GSDME: variants seen among roughly 807,000 people sequenced by gnomAD.
GSDME encodes gasdermin E, also known as gasdermin-E.
In GSDME, 44 loss-of-function variants were observed where a neutral mutation model predicts 47.5. That is an observed-to-expected ratio of 0.93 (90% CI 0.73 to 1.19). The LOEUF (loss-of-function observed/expected upper bound fraction) is 1.19. Ranked by LOEUF, GSDME falls within the 50% of genes most tolerant of loss-of-function variation. GSDME has a pLI of 0.00. For synonymous variants in GSDME, 258 were observed against 252.8 expected (o/e 1.02, Z -0.20); for missense variants, 663 against 604.2 (o/e 1.10, Z -1.02).
chr7:24,743,725 G>A (rs1333928803), intron 3 of GSDME, among the ~76,000 whole-genome samples: 1 of 152,064 alleles, frequency 6.6e-6, no homozygotes, highest in Non-Finnish European at 1.5e-5. Context: ...GTCCTGCCCA[G>A]ATGCCCCTGT....
chr7:24,791,906 A>C, the GSDME span, among the ~76,000 whole-genome samples: 1 of 152,154 alleles, frequency 6.6e-6, no homozygotes, highest in Non-Finnish European at 1.5e-5. The surrounding 1 kb of genome is among the most constrained non-coding windows in gnomAD (Gnocchi z 4.8). Context: ...TAGTGTTGGG[A>C]GAAGGAAGCT....
rs1209697457 is a variant in GSDME at position 24,728,403 on chromosome 7, G to T, written c.405-9185C>A. Among the ~76,000 whole-genome samples, 1 of 152,152 alleles carries T rather than the reference G, an allele frequency of 6.6e-6. No individual in the cohort carries two copies. The highest frequency in any genetic ancestry group is 1.5e-5 in the Non-Finnish European group (1 of 68,032). ...TTTCTTATGTGAGATAATAACAAATGTTCTTTGCAACCAGACACCCTAACT... is the reference window on the plus strand; with the variant it reads ...TTTCTTATGTGAGATAATAACAAATTTTCTTTGCAACCAGACACCCTAACT... On this transcript the variant is annotated intron_variant, in intron 3 of 9. Coordinates refer to ENST00000645220, the MANE Select transcript of GSDME (RefSeq NM_001127453.2). This position sits in a 1 kb window ranked among gnomAD's most constrained non-coding sequence, Gnocchi z 7.2.
the GSDME span, among the ~76,000 whole-genome samples, chr7:24,795,252 T>A: frequency 1.3e-5 from 2 of 151,764 alleles, no homozygotes; most frequent in East Asian, 3.9e-4. Flanking sequence ...CCGGCAGGAG[T>A]CCCCCGCAGG....
chr7:24,701,682 C>T (rs549362380), intron 9 of GSDME, among the ~76,000 whole-genome samples: 11 of 152,198 alleles, frequency 7.2e-5, no homozygotes, highest in Admixed American at 4.6e-4. Flanking sequence ...GTTTCCATAA[C>T]CAGACTGTGC....
rs924958280 is a variant in GSDME at position 24,705,475 on chromosome 7, T to C, written c.1183+709A>G. 1 of 157,356 alleles carries C rather than the reference T, an allele frequency of 6.4e-6. No individual in the cohort carries two copies. 9.7% of individuals were successfully genotyped at this position (157,356 alleles called of 1,614,324 possible). On this transcript the variant is annotated intron_variant, in intron 8 of 9. Coordinates refer to ENST00000645220, the MANE Select transcript of GSDME (RefSeq NM_001127453.2). The surrounding 1 kb of genome is among the most constrained non-coding windows in gnomAD (Gnocchi z 4.1). ...CTATGTGTCCTGACTAGTGTCACCA[T>C]GAAGGGAAGCTGTGGGGACTGGTTT...
At chr7:24,780,671 C>T in the GSDME span, among the ~76,000 whole-genome samples, 39 of 152,308 alleles carry the variant, frequency 2.6e-4, no homozygotes, top group African/African-American at 9.4e-4. This position sits in a 1 kb window ranked among gnomAD's most constrained non-coding sequence, Gnocchi z 4.1. Context: ...AGTTTCTATG[C>T]GTTGTAAATA....
At chr7:24,774,450 G>A in the GSDME span, among the ~76,000 whole-genome samples, 5 of 151,128 alleles carry the variant, frequency 3.3e-5, no homozygotes, top group South Asian at 4.2e-4. Flanking sequence ...TTTGTGCCAC[G>A]TCTGGCTTTA....
At chr7:24,753,345 T>G (rs957369339) in intron 1 of GSDME, among the ~76,000 whole-genome samples, 3 of 152,242 alleles carry the variant, frequency 2.0e-5, no homozygotes, top group Non-Finnish European at 4.4e-5. Context: ...TGAACACTGC[T>G]CAGCATCTTG....
At position 24,719,202 on chromosome 7, in the gene GSDME, T is replaced by G. The variant is rs369866737; in HGVS notation, c.421A>C (p.Asn141His). The part of the protein sequence containing the change: ...DSAERTINLR[N>H]PVLQQVLEGR... ...TCCAGCACCTGCTGGAGCACAGGGT[T>G]TCTCAGATTTATTGTTCTGAAAAAG... is the stretch of plus-strand genomic sequence containing the variant. The change falls in exon 4 of 10, where the codon AAC becomes CAC. Residue 141 changes from asparagine (N) to histidine (H), a missense_variant. Transcript: ENST00000645220. 1 of 1,612,082 alleles carries G rather than the reference T, an allele frequency of 6.2e-7. No homozygotes were observed. Among genetic ancestry groups the G allele is most frequent in the Non-Finnish European group, 8.5e-7 (1 of 1,180,014 alleles).
rs908559478 is a variant in GSDME, at chr7:24,705,981, G to A, written c.1183+203C>T. 11 of 674,072 alleles carry A rather than the reference G, an allele frequency of 1.6e-5. No individual in the cohort carries two copies. In the African/African-American group the frequency reaches 1.8e-4, roughly 11 times the overall value. The allele number at this position is 674,072 out of a possible 1,614,324, so 41.8% of individuals were successfully genotyped here. On this transcript the variant is annotated intron_variant, in intron 8 of 9. Transcript: ENST00000645220. This position sits in a 1 kb window ranked among gnomAD's most constrained non-coding sequence, Gnocchi z 4.1. The stretch of plus-strand genomic sequence containing the variant: ...CCTCCGGGAGAGTAGGGAGGCTTGT[G>A]CTGGATGGAAAGGCACAGACTCGAG...
chr7:24,789,491 C>G, the GSDME span, among the ~76,000 whole-genome samples: 13 of 152,332 alleles, frequency 8.5e-5, 1 homozygote, highest in African/African-American at 3.1e-4. Flanking sequence ...GGGTACATGA[C>G]TGGGGGCTGC....
the GSDME span, among the ~76,000 whole-genome samples, chr7:24,775,874 C>CCA: frequency 3.2e-5 from 1 of 31,396 alleles, no homozygotes. Flanking sequence ...GATTCCATCT[C>CCA]AAAAAAAAAA....
At chr7:24,779,498 GGTGTGTGT>G in the GSDME span, among the ~76,000 whole-genome samples, 2 of 143,050 alleles carry the variant, frequency 1.4e-5, no homozygotes, top group Non-Finnish European at 3.0e-5. The surrounding 1 kb of genome is among the most constrained non-coding windows in gnomAD (Gnocchi z 6.0). Context: ...AGTGATACAT[GGTGTGTGT>G]GTGTGTGTGT....
intron 5 of GSDME, among the ~76,000 whole-genome samples, chr7:24,711,667 G>C (rs1301682642): frequency 6.6e-6 from 1 of 151,958 alleles, no homozygotes; most frequent in African/African-American, 2.4e-5. Context: ...AATTTAAAAT[G>C]AGCTGGGCAT....
At position 24,706,361 on chromosome 7, in the gene GSDME, T is replaced by G; in HGVS notation, c.1006A>C (p.Ser336Arg). The G allele has an allele frequency of 6.2e-7, 1 of 1,612,808 alleles. No homozygotes were observed. The highest frequency in any genetic ancestry group is 1.1e-5 in the South Asian group (1 of 91,010). The change falls in exon 8 of 10, where the codon AGC becomes CGC. Residue 336 changes from serine to arginine, a missense_variant. Coordinates refer to ENST00000645220, the MANE Select transcript of GSDME (RefSeq NM_001127453.2). ...VLEPVCDDLV[S>R]GLSPTVAVLG... The stretch of plus-strand genomic sequence containing the variant: ...ACCGCCACTGTGGGCGAGAGGCCGC[T>G]GACCAGGTCATCGCACTGTAGGGCA...
rs141820646 is a variant in GSDME, at chr7:24,724,174, C to CAAA, written c.405-4959_405-4957dup. ...ACCATGTGAATAGATTGCCCAGTTC[C>CAAA]AAAAAAAAAAAAAAGTATTTTAAAA... On this transcript the variant is annotated intron_variant, in intron 3 of 9. Transcript: ENST00000645220. This position sits in a 1 kb window ranked among gnomAD's most constrained non-coding sequence, Gnocchi z 4.8. 7.6e-3 allele frequency among the ~76,000 whole-genome samples: 1,064 copies of CAAA among 139,160 alleles called. 8 individuals are homozygous for CAAA. Among genetic ancestry groups the CAAA allele is most frequent in the African/African-American group, 0.026 (968 of 37,820 alleles). The allele number at this position is 139,160 out of a possible 152,430, so 91.3% of individuals were successfully genotyped here.
At chr7:24,791,878 A>G in the GSDME span, among the ~76,000 whole-genome samples, 1 of 152,202 alleles carries the variant, frequency 6.6e-6, no homozygotes, top group African/African-American at 2.4e-5. The surrounding 1 kb of genome is among the most constrained non-coding windows in gnomAD (Gnocchi z 4.8). Flanking sequence ...TGCTGTCGTG[A>G]GAGACACGAA....
chr7:24,762,830 C>A (rs1192405362), upstream of GSDME, among the ~76,000 whole-genome samples: 1 of 105,364 alleles, frequency 9.5e-6, no homozygotes, highest in African/African-American at 3.7e-5. Flanking sequence ...GACTAAGGTA[C>A]TTCTAGGTTT....
At chr7:24,699,388 G>C in intron 9 of GSDME, 129 bp from the exon 10 acceptor site, 1 of 717,956 alleles carries the variant, frequency 1.4e-6, no homozygotes, top group Non-Finnish European at 2.5e-6. Context: ...TGTCGTCCAG[G>C]CTGGAGTGCA....
Sources: allele counts gnomAD v4.1 joint callset (sites outside exome capture counted in the v4.1 genomes callset), GRCh38; gene constraint gnomAD v4.1.1; non-coding constraint Gnocchi (gnomAD v3.1); transcripts MANE v1.5; gene names NCBI Gene and HGNC (gene_info 2026-07-23, HGNC 2026-07-21).